Variants in PPP5C observed in about 807,000 individuals in gnomAD.
PPP5C encodes serine/threonine-protein phosphatase 5.
A neutral mutation model predicts 66.7 loss-of-function variants in PPP5C; 21 were observed. That is an observed-to-expected ratio of 0.31 (90% CI 0.22 to 0.45). PPP5C has a LOEUF of 0.45. Among genes scored for constraint, PPP5C ranks in the 20% least tolerant of loss-of-function variants. The pLI is 1.00. For synonymous variants in PPP5C, 246 were observed against 257.4 expected, an observed-to-expected ratio of 0.96 and a Z score of 0.43; for missense variants, 464 against 675.9, an observed-to-expected ratio of 0.69 and a Z score of 3.48.
intron 2 of PPP5C, among the ~76,000 whole-genome samples, chr19:46,363,638 C>G (rs538840354): frequency 2.0e-5 from 3 of 152,056 alleles, no homozygotes; most frequent in African/African-American, 7.2e-5. Flanking sequence ...ACCATGTTGG[C>G]CAGATGGTCT....
intron 2 of PPP5C, among the ~76,000 whole-genome samples, chr19:46,359,371 AG>A (rs1972342062): frequency 6.6e-6 from 1 of 152,234 alleles, no homozygotes; most frequent in African/African-American, 2.4e-5. Context: ...AATGCACATA[AG>A]GATTATAATG....
intron 2 of PPP5C, among the ~76,000 whole-genome samples, chr19:46,357,412 C>T (rs935749449): frequency 2.6e-5 from 4 of 152,174 alleles, no homozygotes; most frequent in Admixed American, 6.5e-5. Flanking sequence ...CCACTGGTCA[C>T]GAAAGGGAGT....
chr19:46,383,061 T>TAA lies in PPP5C; in HGVS notation c.634-349_634-348insAA, dbSNP rs888260268. 1 of 1,114,566 alleles carries TAA rather than the reference T, an allele frequency of 9.0e-7. No individual in the cohort carries two copies. Among genetic ancestry groups the TAA allele is most frequent in the African/African-American group, 1.6e-5 (1 of 61,432 alleles). 69.0% of individuals were successfully genotyped at this position (1,114,566 alleles called of 1,614,324 possible). On this transcript the variant is annotated intron_variant, in intron 4 of 12. Coordinates refer to ENST00000012443, the MANE Select transcript of PPP5C (RefSeq NM_006247.4). This position sits in a 1 kb window ranked among gnomAD's most constrained non-coding sequence, Gnocchi z 5.0. ...TCACTTCTTTTTTGGGAGACTCTTT[T>TAA]ATGACAGTGACATTGCGCTGTGTCC...
rs769827065 is a variant in PPP5C at position 46,387,227 on chromosome 19, A to C, written c.1039A>C (p.Lys347Gln). The C allele has an allele frequency of 2.5e-6, 4 of 1,614,240 alleles. No individual in the cohort carries two copies. The highest frequency in any genetic ancestry group is 3.4e-6 in the Non-Finnish European group (4 of 1,180,046). The part of the protein sequence containing the change: ...WLPLAQCING[K>Q]VLIMHGGLFS... ...CCCGTTGGCCCAGTGCATCAACGGC[A>C]AAGTGCTGGTGAGGACGGCGCGAGC... Residue 347 changes from lysine to glutamine, a missense_variant, in exon 8 of 13, where the codon AAA (lysine) becomes CAA (glutamine). Lys to Gln is a moderately conservative substitution (Grantham distance 53). Around this residue, in one of 2 missense-constraint regions of PPP5C, gnomAD observed 387 missense variants for 626.0 expected, o/e 0.62. Coordinates refer to ENST00000012443, the MANE Select transcript of PPP5C (RefSeq NM_006247.4).
chr19:46,385,242 CTGAG>C (rs1972861718), intron 7 of PPP5C, among the ~76,000 whole-genome samples: 1 of 152,170 alleles, frequency 6.6e-6, no homozygotes, highest in African/African-American at 2.4e-5. Context: ...AGCTGAGTGA[CTGAG>C]TGAACAGACC....
rs186550949 is a variant in PPP5C at position 46,360,243 on chromosome 19, C to T, written c.363+6254C>T. On this transcript the variant is annotated intron_variant, in intron 2 of 12. Coordinates refer to ENST00000012443, the MANE Select transcript of PPP5C (RefSeq NM_006247.4). ...CATAATTAATAACTGATAACATATA[C>T]GAGGACATAGTTTCTTTTTTAGAAA... Among the ~76,000 whole-genome samples, 40 of 152,110 alleles carry T rather than the reference C, an allele frequency of 2.6e-4. No homozygotes were observed. The East Asian group carries it at 3.3e-3, about 12-fold the overall frequency.
chr19:46,349,143 A>C (rs574162587), intron 1 of PPP5C, among the ~76,000 whole-genome samples: 81 of 152,168 alleles, frequency 5.3e-4, no homozygotes, highest in African/African-American at 1.6e-3. Flanking sequence ...CTGCTGAAAA[A>C]ATTAGTTGGG....
chr19:46,349,300 AAG>A (rs1051884186), intron 1 of PPP5C, among the ~76,000 whole-genome samples: 3 of 152,152 alleles, frequency 2.0e-5, no homozygotes, highest in Admixed American at 2.0e-4. Flanking sequence ...GAAAAAAAAA[AAG>A]AGAGAAGATG....
chr19:46,359,930 CCACA>C (rs1972354080), intron 2 of PPP5C, among the ~76,000 whole-genome samples: 1 of 152,036 alleles, frequency 6.6e-6, no homozygotes, highest in African/African-American at 2.4e-5. Flanking sequence ...CAGGCACCTG[CCACA>C]CACCTGGCTA....
intron 2 of PPP5C, among the ~76,000 whole-genome samples, chr19:46,370,061 T>C (rs1002258995): frequency 1.1e-4 from 17 of 152,144 alleles, no homozygotes; most frequent in African/African-American, 4.1e-4. Flanking sequence ...AGGACAGTAA[T>C]GTGTATGTCT....
At chr19:46,355,398 G>A (rs1453267844) in intron 2 of PPP5C, among the ~76,000 whole-genome samples, 2 of 150,946 alleles carry the variant, frequency 1.3e-5, no homozygotes, top group Admixed American at 6.6e-5. Context: ...GTTGGTCGCG[G>A]GGCTGAGAAG....
At chr19:46,387,018 C>T in intron 7 of PPP5C, 75 bp from the exon 8 acceptor site, 1 of 1,605,132 alleles carries the variant, frequency 6.2e-7, no homozygotes, top group Non-Finnish European at 8.5e-7. Context: ...CAGTTCTGGG[C>T]CTTGAGGGTG....
chr19:46,385,947 G>GAA (rs35801370), intron 7 of PPP5C, among the ~76,000 whole-genome samples: 3 of 127,094 alleles, frequency 2.4e-5, no homozygotes, highest in African/African-American at 5.8e-5. Context: ...CTGTCTCTTT[G>GAA]AAAAAAAAAA....
At chr19:46,382,421 T>C (rs1972808345) in intron 4 of PPP5C, 1 of 152,196 alleles carries the variant, frequency 6.6e-6, no homozygotes, top group Admixed American at 6.5e-5. Context: ...GGCGAGACAG[T>C]CTTTTGTAAC....
chr19:46,368,243 T>C (rs543639937), intron 2 of PPP5C, among the ~76,000 whole-genome samples: 4 of 152,224 alleles, frequency 2.6e-5, no homozygotes, highest in Non-Finnish European at 5.9e-5. Flanking sequence ...TCCTGGAGAA[T>C]GGCAGGGGAT....
intron 2 of PPP5C, among the ~76,000 whole-genome samples, chr19:46,359,836 A>G (rs1030826299): frequency 5.5e-5 from 8 of 145,856 alleles, no homozygotes; most frequent in Admixed American, 1.4e-4. Context: ...CAGGAGTGCA[A>G]TGGCGCAAAC....
At position 46,383,250 on chromosome 19, in the gene PPP5C, G is replaced by A. The variant is rs572086663; in HGVS notation, c.634-161G>A. The A allele has an allele frequency of 3.1e-5, 48 of 1,542,414 alleles. No homozygotes were observed. In the African/African-American group the frequency reaches 3.8e-4, roughly 12 times the overall value. ...GAAGCCTGCGGCTGCCTCCGGCCCCGCCTGCTCCCGCTCCCCCAGGCCTGC... is the reference window on the plus strand; with the variant it reads ...GAAGCCTGCGGCTGCCTCCGGCCCCACCTGCTCCCGCTCCCCCAGGCCTGC... On this transcript the variant is annotated intron_variant, in intron 4 of 12. Transcript: ENST00000012443. This position sits in a 1 kb window ranked among gnomAD's most constrained non-coding sequence, Gnocchi z 5.0.
At chr19:46,353,611 G>T (rs145200881) in intron 1 of PPP5C, 137 bp from the exon 2 acceptor site, 13 of 1,306,594 alleles carry the variant, frequency 9.9e-6, no homozygotes, top group Middle Eastern at 2.1e-4. Flanking sequence ...GGAGGGGCAG[G>T]CTGAAGAGAT....
At chr19:46,363,376 AG>A (rs1972433445) in intron 2 of PPP5C, among the ~76,000 whole-genome samples, 1 of 136,348 alleles carries the variant, frequency 7.3e-6, no homozygotes. Flanking sequence ...ATTTGCCAAA[AG>A]ATTTACTGAT....
Sources: gnomAD v4.1 joint callset for allele counts (sites outside exome capture counted in the v4.1 genomes callset) on GRCh38, gnomAD v4.1.1 for gene constraint, gnomAD v4.1.1 regional missense constraint, Gnocchi (gnomAD v3.1) non-coding constraint, MANE v1.5 for transcripts, NCBI Gene and HGNC (gene_info 2026-07-23, HGNC 2026-07-21) for gene names.